CSMD1: variants seen among roughly 807,000 people sequenced by gnomAD.
CSMD1 encodes the protein CUB and Sushi multiple domains 1, also known as CUB and sushi domain-containing protein 1.
Under a neutral mutation model 417.5 loss-of-function variants are expected in CSMD1, and 213 were observed. That is an observed-to-expected ratio of 0.51 (90% CI 0.46 to 0.57). CSMD1 has a LOEUF of 0.57. CSMD1 is among the 20% of genes least tolerant of loss of function. The pLI is 0.00. For missense variants in CSMD1, 6,923 were observed against 4,529.7 expected, an observed-to-expected ratio of 1.53 and a Z score of -15.17; for synonymous variants, 2,862 against 1,736.8, an observed-to-expected ratio of 1.65 and a Z score of -16.11.
At chr8:4,383,827 G>A (rs756429042) in intron 3 of CSMD1, among the ~76,000 whole-genome samples, 1 of 151,988 alleles carries the variant, frequency 6.6e-6, no homozygotes, top group Non-Finnish European at 1.5e-5. Flanking sequence ...TGTGAAAGTG[G>A]AACTTGAAAA....
chr8:4,188,811 G>C (rs1056832178), intron 3 of CSMD1, among the ~76,000 whole-genome samples: 1 of 147,152 alleles, frequency 6.8e-6, no homozygotes, highest in Admixed American at 6.8e-5. Context: ...TATTATGGGG[G>C]AGGATGGTAA....
In CSMD1 at chr8:3,839,851, C is replaced by T. The variant is rs189858983; in HGVS notation, c.819-85809G>A. 2.0e-3 allele frequency among the ~76,000 whole-genome samples: 309 copies of T among 151,828 alleles called. 1 individual carries two copies. Among genetic ancestry groups the T allele is most frequent in the African/African-American group, 6.0e-3 (248 of 41,380 alleles). ...CTAAATGGAGGGAACATTATGGCCT[C>T]TTCTACGGGCGGCAGTTTCTAAGGA... On this transcript the variant is annotated intron_variant, in intron 5 of 69. Coordinates refer to ENST00000635120, the MANE Select transcript of CSMD1 (RefSeq NM_033225.6).
chr8:4,310,110 T>C (rs62478635), intron 3 of CSMD1, among the ~76,000 whole-genome samples: 96,254 of 152,026 alleles, frequency 0.63, 31,468 homozygotes, highest in East Asian at 0.86. Flanking sequence ...GATTCACTTA[T>C]CTCCCATTCA....
At chr8:3,879,952 A>G (rs11989166) in intron 5 of CSMD1, among the ~76,000 whole-genome samples, 36,003 of 151,980 alleles carry the variant, frequency 0.24, 5,556 homozygotes, top group African/African-American at 0.44. Context: ...CTACATATTT[A>G]TTTGATGGGT....
At position 3,108,592 on chromosome 8, in the gene CSMD1, A is replaced by G. The variant is rs773036406; in HGVS notation, c.6754+11T>C. 3.1e-6 allele frequency: 5 copies of G among 1,613,354 alleles called. No individual in the cohort carries two copies. Among genetic ancestry groups the G allele is most frequent in the Non-Finnish European group, 4.2e-6 (5 of 1,179,606 alleles). On this transcript the variant is annotated intron_variant, in intron 44 of 69. Transcript: ENST00000635120. ...TCTCAGTCTTAACTAACGGAGTGAA[A>G]ATCAACTGACCGTGGAAATTGAGGA...
intron 37 of CSMD1, among the ~76,000 whole-genome samples, chr8:3,168,955 A>G (rs1357526523): frequency 6.6e-6 from 1 of 152,080 alleles, no homozygotes; most frequent in Non-Finnish European, 1.5e-5. Context: ...CACAAATTAT[A>G]TTAGCATTTT....
intron 1 of CSMD1, among the ~76,000 whole-genome samples, chr8:4,687,563 T>C (rs902114397): frequency 6.6e-6 from 1 of 152,134 alleles, no homozygotes; most frequent in Non-Finnish European, 1.5e-5. Flanking sequence ...TGCAGAAATT[T>C]TATAGGAGCA....
At chr8:3,661,331 G>T (rs1441892877) in intron 7 of CSMD1, among the ~76,000 whole-genome samples, 1 of 152,042 alleles carries the variant, frequency 6.6e-6, no homozygotes, top group Non-Finnish European at 1.5e-5. Context: ...ATGCCAACCT[G>T]CAACCAATCC....
intron 41 of CSMD1, among the ~76,000 whole-genome samples, chr8:3,126,175 G>A (rs1305550799): frequency 3.3e-5 from 5 of 152,150 alleles, no homozygotes; most frequent in African/African-American, 9.7e-5. Context: ...TTCATGAAAG[G>A]AGACTAAATA....
intron 5 of CSMD1, among the ~76,000 whole-genome samples, chr8:3,830,433 T>A (rs1239395351): frequency 6.6e-6 from 1 of 152,226 alleles, no homozygotes; most frequent in African/African-American, 2.4e-5. Context: ...AATTATACGT[T>A]GACTACTGTG....
intron 7 of CSMD1, among the ~76,000 whole-genome samples, chr8:3,691,100 C>T (rs150417393): frequency 0.015 from 2,254 of 152,198 alleles, 46 homozygotes; most frequent in African/African-American, 0.048. Context: ...GGCTTGGTGG[C>T]TCACACCTGT....
intron 3 of CSMD1, among the ~76,000 whole-genome samples, chr8:4,197,118 C>CA (rs1346943040): frequency 6.6e-6 from 1 of 152,146 alleles, no homozygotes; most frequent in Non-Finnish European, 1.5e-5. Context: ...AGTGTGTCCT[C>CA]AAGCAGTTCC....
chr8:2,939,587 C>A (rs150200793), intron 69 of CSMD1, among the ~76,000 whole-genome samples: 2,129 of 152,218 alleles, frequency 0.014, 45 homozygotes, highest in Middle Eastern at 0.017. Context: ...AAATGTGCCA[C>A]GTGGCAAAAC....
At chr8:4,468,106 T>C (rs1284101405) in intron 2 of CSMD1, among the ~76,000 whole-genome samples, 1 of 152,174 alleles carries the variant, frequency 6.6e-6, no homozygotes, top group Non-Finnish European at 1.5e-5. Context: ...TGAACCGCTT[T>C]CTAAAATTCA....
At chr8:4,186,612 A>G (rs2131196893) in intron 3 of CSMD1, among the ~76,000 whole-genome samples, 1 of 152,142 alleles carries the variant, frequency 6.6e-6, no homozygotes. Context: ...CCCTCTCTCA[A>G]TCTTCCAGGG....
chr8:3,245,051 A>T (rs911695729), intron 26 of CSMD1, among the ~76,000 whole-genome samples: 1 of 152,242 alleles, frequency 6.6e-6, no homozygotes, highest in African/African-American at 2.4e-5. Flanking sequence ...TTAGAAGGTC[A>T]ACTGTGGAGG....
In CSMD1 at chr8:4,129,098, C is replaced by CA. The variant is rs1210783443; in HGVS notation, c.416-97000dup. On this transcript the variant is annotated intron_variant, in intron 3 of 69. Transcript: ENST00000635120. ...TCAAAAAAAAAAAAAAAAAACAAAACAAAAAAAACAGAATTTTTATTGTTG... is the reference window on the plus strand; with the variant it reads ...TCAAAAAAAAAAAAAAAAAACAAAACAAAAAAAAACAGAATTTTTATTGTTG... 8.6e-5 allele frequency among the ~76,000 whole-genome samples: 12 copies of CA among 139,744 alleles called. No homozygotes were observed. In the East Asian group the frequency reaches 8.6e-4, roughly 10 times the overall value. The allele number at this position is 139,744 out of a possible 152,430, so 91.7% of individuals were successfully genotyped here. A position where few individuals can be genotyped will look rare whatever the true frequency, so the allele number is the denominator to read the frequency against.
chr8:3,417,777 C>T (rs1288866002), intron 12 of CSMD1, among the ~76,000 whole-genome samples: 1 of 152,122 alleles, frequency 6.6e-6, no homozygotes, highest in Non-Finnish European at 1.5e-5. Context: ...GATATATTTT[C>T]ATCACCTTCG....
chr8:3,505,329 G>C (rs10105613), intron 10 of CSMD1, among the ~76,000 whole-genome samples: 2 of 152,072 alleles, frequency 1.3e-5, no homozygotes, highest in African/African-American at 2.4e-5. Context: ...CTTTGAAGGA[G>C]CAAAAGATGA....
Sources: gnomAD v4.1 joint callset for allele counts (sites outside exome capture counted in the v4.1 genomes callset) on GRCh38, gnomAD v4.1.1 for gene constraint, MANE v1.5 for transcripts, NCBI Gene and HGNC (gene_info 2026-07-23, HGNC 2026-07-21) for gene names.